Variants in PIK3C3 observed in about 807,000 individuals in gnomAD.
PIK3C3 encodes the protein phosphatidylinositol 3-kinase catalytic subunit type 3.
A neutral mutation model predicts 126.1 loss-of-function variants in PIK3C3; 95 were observed. That is an observed-to-expected ratio of 0.75 (90% CI 0.64 to 0.89). PIK3C3 has a LOEUF of 0.89. Ranked by LOEUF, PIK3C3 falls within the 40% of genes least tolerant of loss-of-function variation. PIK3C3 has a pLI of 0.00. For missense variants in PIK3C3, 829 were observed against 1,063.2 expected (o/e 0.78, Z 3.06); for synonymous variants, 374 against 360.0 (o/e 1.04, Z -0.44).
intron 20 of PIK3C3, among the ~76,000 whole-genome samples, chr18:42,047,350 A>G (rs1984603188): frequency 6.6e-6 from 1 of 152,168 alleles, no homozygotes; most frequent in Non-Finnish European, 1.5e-5. Flanking sequence ...TACGAATCAC[A>G]TGTTAGAGAA....
At chr18:42,038,027 A>G (rs922072196) in intron 17 of PIK3C3, among the ~76,000 whole-genome samples, 1 of 152,170 alleles carries the variant, frequency 6.6e-6, no homozygotes, top group African/African-American at 2.4e-5. Context: ...TTGGAACTGT[A>G]TGTGTTCCAT....
At chr18:41,979,655 G>T (rs888843118) in intron 4 of PIK3C3, among the ~76,000 whole-genome samples, 6 of 151,938 alleles carry the variant, frequency 3.9e-5, no homozygotes, top group Non-Finnish European at 7.4e-5. Flanking sequence ...TTTATTTTAC[G>T]CTTTTAAGAT....
rs1981726324 is a variant in PIK3C3, at chr18:41,990,571, T to C, written c.714+17T>C. Reference sequence around the variant, plus strand: ...TATGAAAAGGTATTTCCCTTGGAACTGTTTTTGGTCTCTAAAGTAGAGGGG... The same window carrying C: ...TATGAAAAGGTATTTCCCTTGGAACCGTTTTTGGTCTCTAAAGTAGAGGGG... On this transcript the variant is annotated intron_variant, in intron 6 of 24. Coordinates refer to ENST00000262039, the MANE Select transcript of PIK3C3 (RefSeq NM_002647.4). 1 of 1,365,864 alleles carries C rather than the reference T, an allele frequency of 7.3e-7. No homozygotes were observed. The highest frequency in any genetic ancestry group is 1.0e-6 in the Non-Finnish European group (1 of 957,866). 84.6% of individuals were successfully genotyped at this position (1,365,864 alleles called of 1,614,324 possible). A position where few individuals can be genotyped will look rare whatever the true frequency, so the allele number is the denominator to read the frequency against.
At chr18:42,056,016 T>G (rs1260566418) in intron 21 of PIK3C3, among the ~76,000 whole-genome samples, 1 of 152,130 alleles carries the variant, frequency 6.6e-6, no homozygotes, top group Non-Finnish European at 1.5e-5. Flanking sequence ...TTATGTATAC[T>G]TTATTTCTTG....
intron 24 of PIK3C3, among the ~76,000 whole-genome samples, chr18:42,076,165 C>CATATATATATGCACAT (rs1568013844): frequency 2.9e-5 from 3 of 103,676 alleles, no homozygotes; most frequent in South Asian, 3.0e-4. Context: ...TATATATGCA[C>CATATATATATGCACAT]ATATATATAT....
At chr18:42,008,677 GT>G (rs926205816) in intron 10 of PIK3C3, among the ~76,000 whole-genome samples, 3 of 148,288 alleles carry the variant, frequency 2.0e-5, no homozygotes, top group African/African-American at 4.9e-5. Context: ...TGGAAGCCTG[GT>G]TTTTTTTTTC....
In PIK3C3 at chr18:42,017,292, G is replaced by A. The variant is rs139082292; in HGVS notation, c.1416+1726G>A. Among the ~76,000 whole-genome samples, 370 of 152,074 alleles carry A rather than the reference G, an allele frequency of 2.4e-3. 2 individuals carry two copies. Among genetic ancestry groups the A allele is most frequent in the Non-Finnish European group, 4.3e-3 (292 of 67,924 alleles). On this transcript the variant is annotated intron_variant, in intron 12 of 24. Transcript: ENST00000262039. ...TGAGCAGTATCTTATGTCCTTCCTCGTTTTATTCTTGGAGTTTCAGGAGAA... is the reference window on the plus strand; with the variant it reads ...TGAGCAGTATCTTATGTCCTTCCTCATTTTATTCTTGGAGTTTCAGGAGAA...
At chr18:41,974,024 A>G (rs929078109) in intron 4 of PIK3C3, among the ~76,000 whole-genome samples, 1 of 152,214 alleles carries the variant, frequency 6.6e-6, no homozygotes, top group African/African-American at 2.4e-5. Flanking sequence ...TTTACTATGC[A>G]TGGTACCCAT....
chr18:42,058,146 G>T, intron 22 of PIK3C3, 95 bp downstream of exon 22: 1 of 985,938 alleles, frequency 1.0e-6, no homozygotes, highest in South Asian at 2.5e-5. Flanking sequence ...CTTTAGCATT[G>T]ATCACTTTTT....
chr18:42,016,133 G>A (rs1220080002), intron 12 of PIK3C3, among the ~76,000 whole-genome samples: 1 of 152,028 alleles, frequency 6.6e-6, no homozygotes, highest in African/African-American at 2.4e-5. Flanking sequence ...TTGAAAACAA[G>A]TAACACATGT....
intron 4 of PIK3C3, among the ~76,000 whole-genome samples, chr18:41,978,480 A>G (rs1467259944): frequency 1.3e-5 from 2 of 152,182 alleles, no homozygotes; most frequent in Admixed American, 6.5e-5. Context: ...AAAAGGACCA[A>G]GGGGTTCTTT....
At chr18:41,996,029 T>C in intron 8 of PIK3C3, 35 bp downstream of exon 8, 2 of 1,366,792 alleles carry the variant, frequency 1.5e-6, no homozygotes. Flanking sequence ...TTAAAAATAG[T>C]TAAATGGGTG....
At position 42,083,643 on chromosome 18, in the gene PIK3C3, G is replaced by A. The variant is rs898977394; in HGVS notation, c.*2506G>A. ...TTATAATAACAGTCAACATGATGTA[G>A]GGGCTCAGTATTACATGGCAGGGCT... On this transcript the variant is annotated 3_prime_UTR_variant, in exon 25 of 25. Coordinates refer to ENST00000262039, the MANE Select transcript of PIK3C3 (RefSeq NM_002647.4). 23 of 152,280 alleles carry A rather than the reference G, an allele frequency of 1.5e-4. No homozygotes were observed. The highest frequency in any genetic ancestry group is 5.3e-4 in the African/African-American group (22 of 41,574). 9.4% of individuals were successfully genotyped at this position (152,280 alleles called of 1,614,324 possible). A position where few individuals can be genotyped will look rare whatever the true frequency, so the allele number is the denominator to read the frequency against.
At chr18:42,072,469 T>C (rs543029188) in intron 24 of PIK3C3, among the ~76,000 whole-genome samples, 1 of 152,320 alleles carries the variant, frequency 6.6e-6, no homozygotes, top group African/African-American at 2.4e-5. Context: ...GATACAAATT[T>C]TCCACTGGAA....
Position 42,049,707 on chromosome 18 carries a change from C to T in PIK3C3, c.2263+102C>T. Reference sequence around the variant, plus strand: ...GATAAGTTGCGGCCTGGCGCGGTGGCTCACGCCCGTAATCCCAGCACTTTG... The same window carrying T: ...GATAAGTTGCGGCCTGGCGCGGTGGTTCACGCCCGTAATCCCAGCACTTTG... On this transcript the variant is annotated intron_variant, in intron 21 of 24. Transcript: ENST00000262039. The T allele has an allele frequency of 2.4e-5, 22 of 910,352 alleles. 1 individual carries two copies. The highest frequency in any genetic ancestry group is 3.7e-5 in the Non-Finnish European group (21 of 566,006). 56.4% of individuals were successfully genotyped at this position (910,352 alleles called of 1,614,324 possible).
chr18:42,058,643 T>C (rs1055016110), intron 22 of PIK3C3, among the ~76,000 whole-genome samples: 3 of 152,204 alleles, frequency 2.0e-5, no homozygotes, highest in African/African-American at 7.2e-5. Flanking sequence ...GTCATTCTGC[T>C]ACAAAAAAAT....
At position 41,991,606 on chromosome 18, in the gene PIK3C3, A is replaced by G. The variant is rs994842114; in HGVS notation, c.714+1052A>G. Among the ~76,000 whole-genome samples, 6 of 152,176 alleles carry G rather than the reference A, an allele frequency of 3.9e-5. No homozygotes were observed. In the East Asian group the frequency reaches 1.2e-3, roughly 29 times the overall value. Reference sequence around the variant, plus strand: ...ATTGTTGTTTATTAAAGCTGTCACAAGTGATTTTTAAAATATGTATACTTT... The same window carrying G: ...ATTGTTGTTTATTAAAGCTGTCACAGGTGATTTTTAAAATATGTATACTTT... On this transcript the variant is annotated intron_variant, in intron 6 of 24. Transcript: ENST00000262039.
chr18:41,995,465 C>A (rs1981981466), intron 7 of PIK3C3, among the ~76,000 whole-genome samples: 2 of 152,100 alleles, frequency 1.3e-5, no homozygotes, highest in African/African-American at 4.8e-5. Flanking sequence ...TTGTCCTTGC[C>A]CTCAGTAACT....
intron 4 of PIK3C3, among the ~76,000 whole-genome samples, chr18:41,979,214 C>G (rs1444852008): frequency 6.6e-6 from 1 of 152,050 alleles, no homozygotes; most frequent in African/African-American, 2.4e-5. Context: ...TTCACTGTGT[C>G]TAGACTGTTT....
Sources: gnomAD v4.1 joint callset for allele counts (sites outside exome capture counted in the v4.1 genomes callset) on GRCh38, gnomAD v4.1.1 for gene constraint, MANE v1.5 for transcripts, NCBI Gene and HGNC (gene_info 2026-07-23, HGNC 2026-07-21) for gene names.